The following MAP3K14 variants were observed in gnomAD, a reference collection of about 807,000 sequenced individuals.
MAP3K14 encodes the protein mitogen-activated protein kinase kinase kinase 14, also known as NF-kappa-beta-inducing kinase.
MAP3K14 carries 16 observed loss-of-function variants against 99.2 expected under a neutral mutation model. The observed-to-expected ratio is 0.16, with a 90% CI of 0.11 to 0.24. MAP3K14 has a LOEUF of 0.24. Among genes scored for constraint, MAP3K14 ranks in the 10% least tolerant of loss-of-function variants. The probability of loss-of-function intolerance (pLI) is 1.00; values close to 1 mark genes in which losing one functional copy is unlikely to be tolerated. For synonymous variants in MAP3K14, 462 were observed against 492.4 expected, an observed-to-expected ratio of 0.94 and a Z score of 0.82; for missense variants, 784 against 1,208.7, an observed-to-expected ratio of 0.65 and a Z score of 5.21.
intron 1 of MAP3K14, among the ~76,000 whole-genome samples, chr17:45,296,832 G>T (rs2044349628): frequency 6.6e-6 from 1 of 152,192 alleles, no homozygotes; most frequent in African/African-American, 2.4e-5. Context: ...TGTCTGCCCA[G>T]ATCTCACCTA....
chr17:45,312,299 C>T (rs553691283), intron 1 of MAP3K14, among the ~76,000 whole-genome samples: 1 of 152,196 alleles, frequency 6.6e-6, no homozygotes, highest in East Asian at 1.9e-4. Flanking sequence ...AGCCTGAAGT[C>T]AAGTGCAGAG....
chr17:45,287,343 C>T lies in MAP3K14; in HGVS notation c.348G>A (p.Gln116=). 6.2e-7 allele frequency: 1 copy of T among 1,614,000 alleles called. No homozygotes were observed. The highest frequency in any genetic ancestry group is 8.5e-7 in the Non-Finnish European group (1 of 1,179,890). Residue 116 remains glutamine, a synonymous_variant, in exon 4 of 16, where the codon CAG becomes CAA. Coordinates refer to ENST00000344686, the MANE Select transcript of MAP3K14 (RefSeq NM_003954.5). ...TAGCATGGGCCACATTGTTGGGGAT[C>T]TGATCAAGACTCTCGGACTGGCTGT... The part of the protein sequence containing the change: ...KQYSQSESLD[Q]IPNNVAHATE...
intron 1 of MAP3K14, among the ~76,000 whole-genome samples, chr17:45,310,671 G>A (rs1025147048): frequency 6.6e-6 from 1 of 152,136 alleles, no homozygotes; most frequent in Admixed American, 6.5e-5. Flanking sequence ...ATGCAGAAGA[G>A]CTTCGTGCAC....
intron 5 of MAP3K14, among the ~76,000 whole-genome samples, chr17:45,285,773 T>C (rs1041912943): frequency 6.6e-6 from 1 of 151,792 alleles, no homozygotes; most frequent in African/African-American, 2.4e-5. Context: ...CTGGGCAACA[T>C]AGCAAGACCT....
chr17:45,278,854 G>A (rs953990190), intron 6 of MAP3K14, among the ~76,000 whole-genome samples: 1 of 152,064 alleles, frequency 6.6e-6, no homozygotes, highest in African/African-American at 2.4e-5. Flanking sequence ...TGTAGAGATG[G>A]GGTTTCGCCA....
chr17:45,296,202 C>T (rs1444952772), intron 1 of MAP3K14, among the ~76,000 whole-genome samples: 3 of 152,170 alleles, frequency 2.0e-5, no homozygotes, highest in Non-Finnish European at 4.4e-5. Context: ...GGCCACCAGG[C>T]CACAATAGGC....
intron 6 of MAP3K14, among the ~76,000 whole-genome samples, chr17:45,275,499 A>G (rs942191400): frequency 6.8e-6 from 1 of 147,922 alleles, no homozygotes; most frequent in Non-Finnish European, 1.5e-5. Context: ...AAAAAACAAA[A>G]AAAAACCCAC....
intron 1 of MAP3K14, among the ~76,000 whole-genome samples, chr17:45,296,428 A>G (rs1421771284): frequency 6.6e-6 from 1 of 152,048 alleles, no homozygotes; most frequent in Admixed American, 6.6e-5. Flanking sequence ...GGGAGCCTGA[A>G]GCAGGAGGGT....
At chr17:45,291,322 C>T (rs1342667451) in intron 1 of MAP3K14, among the ~76,000 whole-genome samples, 1 of 147,886 alleles carries the variant, frequency 6.8e-6, no homozygotes, top group African/African-American at 2.6e-5. Context: ...GTGTGTGTGT[C>T]CTACAAAGTC....
At chr17:45,271,282 T>C (rs2044140931) in intron 9 of MAP3K14, 61 bp from the exon 10 acceptor site, 3 of 1,453,606 alleles carry the variant, frequency 2.1e-6, no homozygotes, top group Non-Finnish European at 2.8e-6. Flanking sequence ...GCCTAGGCAA[T>C]GGCCACCCTG....
chr17:45,269,465 T>C (rs534748523), intron 11 of MAP3K14, among the ~76,000 whole-genome samples: 4 of 152,278 alleles, frequency 2.6e-5, no homozygotes, highest in Admixed American at 2.0e-4. Context: ...TCTCTTTCTG[T>C]GTACTAATGG....
intron 1 of MAP3K14, among the ~76,000 whole-genome samples, chr17:45,310,309 C>T (rs1015205440): frequency 6.6e-6 from 1 of 152,116 alleles, no homozygotes; most frequent in African/African-American, 2.4e-5. Flanking sequence ...ACTGGGATTA[C>T]AGGCACGAGC....
Position 45,267,222 on chromosome 17 carries a change from C to T in MAP3K14, c.2327-24G>A, listed in dbSNP as rs1472823892. 2 of 1,509,060 alleles carry T rather than the reference C, an allele frequency of 1.3e-6. No homozygotes were observed. Among genetic ancestry groups the T allele is most frequent in the Admixed American group, 1.9e-5 (1 of 52,348 alleles). 93.5% of individuals were successfully genotyped at this position (1,509,060 alleles called of 1,614,324 possible). On this transcript the variant is annotated intron_variant, in intron 12 of 15. Coordinates refer to ENST00000344686, the MANE Select transcript of MAP3K14 (RefSeq NM_003954.5). This position sits in a 1 kb window ranked among gnomAD's most constrained non-coding sequence, Gnocchi z 5.1. ...TTCTGCAGGGAAAAGTGGAAGATGG[C>T]TGTGAAAGACTGGGAGGAGGCTGGC...
At chr17:45,299,261 A>C in intron 1 of MAP3K14, among the ~76,000 whole-genome samples, 1 of 152,188 alleles carries the variant, frequency 6.6e-6, no homozygotes, top group Non-Finnish European at 1.5e-5. Context: ...GAGTAGGGGC[A>C]GATGGCACTG....
At chr17:45,305,059 T>C (rs2044420368) in intron 1 of MAP3K14, among the ~76,000 whole-genome samples, 1 of 152,222 alleles carries the variant, frequency 6.6e-6, no homozygotes, top group African/African-American at 2.4e-5. Flanking sequence ...GACCTTTGTA[T>C]GACTGGAAGT....
At chr17:45,274,823 T>C (rs2143792712) in intron 6 of MAP3K14, among the ~76,000 whole-genome samples, 1 of 152,280 alleles carries the variant, frequency 6.6e-6, no homozygotes, top group South Asian at 2.1e-4. Flanking sequence ...GTGCTGCCTG[T>C]GTGCAAAAAC....
At chr17:45,270,172 G>A (rs1049265117) in intron 11 of MAP3K14, among the ~76,000 whole-genome samples, 4 of 152,154 alleles carry the variant, frequency 2.6e-5, no homozygotes, top group Non-Finnish European at 5.9e-5. Context: ...GTGGGAGAAT[G>A]GAAAAAGCAC....
At chr17:45,275,025 G>C (rs1426155863) in intron 6 of MAP3K14, among the ~76,000 whole-genome samples, 4 of 151,976 alleles carry the variant, frequency 2.6e-5, no homozygotes, top group African/African-American at 7.3e-5. Flanking sequence ...TGTAGTCCCA[G>C]CTACTCGGGA....
At chr17:45,306,740 A>T (rs966002801) in intron 1 of MAP3K14, among the ~76,000 whole-genome samples, 3 of 152,266 alleles carry the variant, frequency 2.0e-5, no homozygotes, top group African/African-American at 7.2e-5. Flanking sequence ...TATAAGCTTT[A>T]AAAGAGAAGT....
Sources: allele counts gnomAD v4.1 joint callset (sites outside exome capture counted in the v4.1 genomes callset), GRCh38; gene constraint gnomAD v4.1.1; non-coding constraint Gnocchi (gnomAD v3.1); transcripts MANE v1.5; gene names NCBI Gene and HGNC (gene_info 2026-07-23, HGNC 2026-07-21).